The following CTDSPL2 variants were observed in gnomAD, a reference collection of about 807,000 sequenced individuals.
CTDSPL2 encodes the protein CTD small phosphatase like 2, also known as CTD small phosphatase-like protein 2.
CTDSPL2 carries 5 observed loss-of-function variants against 60.0 expected under a neutral mutation model. That is an observed-to-expected ratio of 0.08 (90% confidence interval 0.04 to 0.18). The LOEUF (loss-of-function observed/expected upper bound fraction) is 0.18, where lower values mean the gene tolerates loss of function less well. CTDSPL2 is among the 10% of genes least tolerant of loss of function. CTDSPL2 has a pLI of 1.00. For synonymous variants in CTDSPL2, 186 were observed against 189.3 expected, an observed-to-expected ratio of 0.98 and a Z score of 0.14; for missense variants, 370 against 548.8, an observed-to-expected ratio of 0.67 and a Z score of 3.26.
chr15:44,427,980 C>T (rs940570226), intron 1 of CTDSPL2: 7 of 308,000 alleles, frequency 2.3e-5, no homozygotes, highest in Non-Finnish European at 4.1e-5. Context: ...AAAGGGAGCT[C>T]ACTTCCCGCC....
rs1002266408 is a variant in CTDSPL2 at position 44,526,609 on chromosome 15, A to G, written c.*2435A>G. ...TGTTATTTTATTTGAGTCATTTTAA[A>G]TTTGTTAATACAAAATTTAAGATAA... On this transcript the variant is annotated 3_prime_UTR_variant, in exon 13 of 13. Transcript: ENST00000260327. The G allele has an allele frequency of 1.3e-5, 2 of 152,156 alleles. No individual in the cohort carries two copies. Among genetic ancestry groups the G allele is most frequent in the African/African-American group, 4.8e-5 (2 of 41,454 alleles). The allele number at this position is 152,156 out of a possible 1,614,324, so 9.4% of individuals were successfully genotyped here. A position where few individuals can be genotyped will look rare whatever the true frequency, so the allele number is the denominator to read the frequency against.
intron 8 of CTDSPL2, among the ~76,000 whole-genome samples, chr15:44,504,193 A>T (rs891618729): frequency 4.6e-5 from 7 of 151,994 alleles, no homozygotes; most frequent in African/African-American, 1.4e-4. Context: ...ACAAAAAAAT[A>T]AAAAAAATTA....
intron 1 of CTDSPL2, among the ~76,000 whole-genome samples, chr15:44,436,695 A>G (rs2079988193): frequency 6.6e-6 from 1 of 152,178 alleles, no homozygotes; most frequent in African/African-American, 2.4e-5. Flanking sequence ...CCTTGCATGC[A>G]TGTATTATTT....
chr15:44,476,030 G>A (rs1032125905), intron 2 of CTDSPL2, among the ~76,000 whole-genome samples: 2 of 152,070 alleles, frequency 1.3e-5, no homozygotes, highest in East Asian at 1.9e-4. Flanking sequence ...TTACCTCCCT[G>A]TTGTAACCTA....
intron 2 of CTDSPL2, among the ~76,000 whole-genome samples, chr15:44,463,093 C>G (rs2080609142): frequency 6.6e-6 from 1 of 152,142 alleles, no homozygotes; most frequent in Non-Finnish European, 1.5e-5. Context: ...TGCCTCATTA[C>G]TCAAAGATGT....
chr15:44,494,371 C>T (rs114271272), intron 5 of CTDSPL2, among the ~76,000 whole-genome samples: 1,941 of 152,148 alleles, frequency 0.013, 53 homozygotes, highest in African/African-American at 0.045. Context: ...TTGAGGAGGC[C>T]TAGGAAGGAG....
chr15:44,463,495 T>A (rs899489723), intron 2 of CTDSPL2, among the ~76,000 whole-genome samples: 1 of 152,220 alleles, frequency 6.6e-6, no homozygotes, highest in African/African-American at 2.4e-5. Context: ...AGCTACAAAT[T>A]CACTTTATTG....
chr15:44,523,282 C>T (rs1235256171), intron 12 of CTDSPL2, among the ~76,000 whole-genome samples: 1 of 152,130 alleles, frequency 6.6e-6, no homozygotes, highest in Admixed American at 6.5e-5. Context: ...TAGGCATGAG[C>T]CACTGCACCC....
chr15:44,458,819 C>T (rs1211856454), intron 1 of CTDSPL2, among the ~76,000 whole-genome samples, 172 bp from the exon 2 acceptor site: 1 of 152,120 alleles, frequency 6.6e-6, no homozygotes, highest in Non-Finnish European at 1.5e-5. Context: ...ATGTATAAAG[C>T]ATAATGCCTT....
chr15:44,520,692 A>G (rs1436614403), intron 11 of CTDSPL2: 2 of 152,256 alleles, frequency 1.3e-5, no homozygotes, highest in African/African-American at 4.8e-5. Context: ...TATATCAATT[A>G]TCCTCCATCT....
At chr15:44,438,221 G>C (rs1019842029) in intron 1 of CTDSPL2, among the ~76,000 whole-genome samples, 1 of 149,932 alleles carries the variant, frequency 6.7e-6, no homozygotes, top group Non-Finnish European at 1.5e-5. Context: ...CTGAGATCGC[G>C]CCACTGCGCT....
At chr15:44,486,318 G>A (rs1386158598) in intron 3 of CTDSPL2, among the ~76,000 whole-genome samples, 1 of 152,132 alleles carries the variant, frequency 6.6e-6, no homozygotes, top group Non-Finnish European at 1.5e-5. Flanking sequence ...AATCTACTTT[G>A]AAAAAACTCA....
In CTDSPL2 at chr15:44,458,982, C is replaced by A; in HGVS notation, c.-24-9C>A. 5 of 1,436,606 alleles carry A rather than the reference C, an allele frequency of 3.5e-6. No homozygotes were observed. The highest frequency in any genetic ancestry group is 3.7e-6 in the Non-Finnish European group (4 of 1,080,494). The allele number at this position is 1,436,606 out of a possible 1,614,324, so 89.0% of individuals were successfully genotyped here. ...ATTTTTTATTACATTTATTATTTTT[C>A]TCTTTTAGTTTTACATGTGGCACCC... On this transcript the variant is annotated splice_polypyrimidine_tract_variant and intron_variant, in intron 1 of 12. Transcript: ENST00000260327.
chr15:44,465,262 G>C (rs2080662296), intron 2 of CTDSPL2, among the ~76,000 whole-genome samples: 1 of 152,078 alleles, frequency 6.6e-6, no homozygotes, highest in African/African-American at 2.4e-5. Context: ...TGTAATTGAA[G>C]GCCTCACAAC....
intron 5 of CTDSPL2, among the ~76,000 whole-genome samples, chr15:44,495,014 C>T (rs531763800): frequency 6.6e-6 from 1 of 152,148 alleles, no homozygotes; most frequent in Non-Finnish European, 1.5e-5. Context: ...TCTTGTTGCC[C>T]AGGCTAGAGT....
At chr15:44,483,279 AAAAG>A (rs1031926622) in intron 2 of CTDSPL2, among the ~76,000 whole-genome samples, 21 of 151,940 alleles carry the variant, frequency 1.4e-4, no homozygotes, top group East Asian at 5.8e-4. Context: ...AAAAAAAAGA[AAAAG>A]AAAAAATCAC....
At chr15:44,435,639 C>T (rs2079963584) in intron 1 of CTDSPL2, among the ~76,000 whole-genome samples, 1 of 145,902 alleles carries the variant, frequency 6.9e-6, no homozygotes, top group Non-Finnish European at 1.5e-5. Context: ...CGGAGTCTCG[C>T]TCTGTCACCC....
At chr15:44,519,096 G>A in intron 10 of CTDSPL2, 73 bp from the exon 11 acceptor site, 2 of 968,568 alleles carry the variant, frequency 2.1e-6, no homozygotes, top group Non-Finnish European at 2.8e-6. Context: ...AGCCTATGGT[G>A]TATATATATG....
chr15:44,476,257 A>G (rs1567081763), intron 2 of CTDSPL2, among the ~76,000 whole-genome samples: 1 of 151,810 alleles, frequency 6.6e-6, no homozygotes, highest in East Asian at 1.9e-4. Context: ...TTTAGTAGAG[A>G]TGGGGTTTCA....
Sources: gnomAD v4.1 joint callset for allele counts (sites outside exome capture counted in the v4.1 genomes callset) on GRCh38, gnomAD v4.1.1 for gene constraint, MANE v1.5 for transcripts, NCBI Gene and HGNC (gene_info 2026-07-23, HGNC 2026-07-21) for gene names.